ANKFY1: variants seen among roughly 807,000 people sequenced by gnomAD.
ANKFY1 encodes the protein ankyrin repeat and FYVE domain-containing protein 1.
In ANKFY1, 47 loss-of-function variants were observed where a neutral mutation model predicts 128.3. The observed-to-expected ratio is 0.37, with a 90% CI of 0.29 to 0.47. ANKFY1 has a LOEUF of 0.47. Among genes scored for constraint, ANKFY1 ranks in the 20% least tolerant of loss-of-function variants. The pLI, the probability that ANKFY1 is intolerant of heterozygous loss-of-function variation, is 1.00. For synonymous variants in ANKFY1, 553 were observed against 601.6 expected, an observed-to-expected ratio of 0.92 and a Z score of 1.18; for missense variants, 1,222 against 1,510.6, an observed-to-expected ratio of 0.81 and a Z score of 3.17.
At chr17:4,262,097 G>A (rs1341123997) in intron 1 of ANKFY1, among the ~76,000 whole-genome samples, 7 of 152,230 alleles carry the variant, frequency 4.6e-5, no homozygotes, top group Admixed American at 2.0e-4. Context: ...AGGCCAAAGC[G>A]GATGGATTGC....
chr17:4,207,936 G>T lies in ANKFY1; in HGVS notation c.729C>A (p.Ser243=), dbSNP rs1370007577. Residue 243 remains serine (S), a synonymous_variant, in exon 6 of 25, where the codon TCC becomes TCA. Coordinates refer to ENST00000341657, the MANE Select transcript of ANKFY1 (RefSeq NM_001330063.2). ...ATGGAAAAGGCAGCTACAGTACCTG[G>T]GAATCCATTTCAATCAGATACAGGA... ...VVFLYLIEMD[S]QLPGKLNEAD... 2 of 1,589,150 alleles carry T rather than the reference G, an allele frequency of 1.3e-6. No homozygotes were observed. The highest frequency in any genetic ancestry group is 1.4e-5 in the African/African-American group (1 of 73,614).
At chr17:4,184,430 C>G (rs1159260267) in intron 12 of ANKFY1, among the ~76,000 whole-genome samples, 1 of 152,230 alleles carries the variant, frequency 6.6e-6, no homozygotes, top group Non-Finnish European at 1.5e-5. Flanking sequence ...CCCTTCTGTC[C>G]CACAGGGGCT....
intron 1 of ANKFY1, among the ~76,000 whole-genome samples, chr17:4,243,376 T>TTTAA (rs1967361085): frequency 6.6e-6 from 1 of 151,868 alleles, no homozygotes; most frequent in Non-Finnish European, 1.5e-5. Flanking sequence ...TCTTTTTTTT[T>TTTAA]TTAAACAGAT....
In ANKFY1 at chr17:4,235,785, C is replaced by G. The variant is rs1966880655; in HGVS notation, c.309G>C (p.Glu103Asp). Reference protein sequence around the residue: ...WSLANLSSTKELDLSDANPEV... With the variant: ...WSLANLSSTKDLDLSDANPEV... ...TCAAAGGCTCACCTGACAGGTCCAA[C>G]TCTTTAGTGGAAGACAAGTTAGCCA... The change falls in exon 3 of 25, where the codon GAG becomes GAC. Residue 103 changes from glutamate to aspartate, a missense_variant. Physicochemically the swap from Glu to Asp is conservative, Grantham distance 45. Transcript: ENST00000341657. 6.2e-7 allele frequency: 1 copy of G among 1,613,994 alleles called. No individual in the cohort carries two copies. The highest frequency in any genetic ancestry group is 1.7e-5 in the Admixed American group (1 of 60,004).
chr17:4,249,054 T>C (rs1317978001), intron 1 of ANKFY1: 2 of 838,102 alleles, frequency 2.4e-6, no homozygotes, highest in Non-Finnish European at 1.4e-6. Flanking sequence ...AAGAGTGCAA[T>C]GTCTACTGCA....
chr17:4,263,763 C>A, intron 1 of ANKFY1, 169 bp downstream of exon 1: 1 of 1,537,404 alleles, frequency 6.5e-7, no homozygotes, highest in South Asian at 1.2e-5. Flanking sequence ...GAACCGCGCT[C>A]CGGACCCCGG....
At chr17:4,226,672 G>T (rs1263380046) in intron 3 of ANKFY1, among the ~76,000 whole-genome samples, 3 of 151,332 alleles carry the variant, frequency 2.0e-5, no homozygotes, top group Admixed American at 2.0e-4. Flanking sequence ...GAACCTGGGA[G>T]GCAGAGGTTG....
At chr17:4,187,538 G>A (rs2059633482) in intron 11 of ANKFY1, 1 of 357,054 alleles carries the variant, frequency 2.8e-6, no homozygotes, top group Non-Finnish European at 5.0e-6. Flanking sequence ...TGCAGTGCTG[G>A]TCTCCAGTGC....
intron 3 of ANKFY1, among the ~76,000 whole-genome samples, chr17:4,225,772 A>C (rs2060415014): frequency 6.6e-6 from 1 of 151,148 alleles, no homozygotes; most frequent in African/African-American, 2.4e-5. Flanking sequence ...TATTTATATA[A>C]TTTTTTTTTG....
rs74324404 is a variant in ANKFY1 at position 4,211,660 on chromosome 17, G to A, written c.459-1713C>T. Among the ~76,000 whole-genome samples, 949 of 152,068 alleles carry A rather than the reference G, an allele frequency of 6.2e-3. 23 individuals carry two copies. The highest frequency in any genetic ancestry group is 0.05 in the Admixed American group (766 of 15,270). On this transcript the variant is annotated intron_variant, in intron 4 of 24. Transcript: ENST00000341657. ...AGGCAGGAGGAGTACTTGTGGCCAC[G>A]AGTTCAAGACCAGCCTGGGCAACAC... is the stretch of plus-strand genomic sequence containing the variant.
chr17:4,242,213 G>A, intron 2 of ANKFY1, 43 bp downstream of exon 2: 3 of 1,453,948 alleles, frequency 2.1e-6, no homozygotes, highest in Non-Finnish European at 2.7e-6. Context: ...GTGTGGCCCA[G>A]GAATAAAGCC....
In ANKFY1 at chr17:4,248,346, G is replaced by A. The variant is rs535917369; in HGVS notation, c.11-5898C>T. ...TGAACCGCGCATGCGAGGGATCTAG[G>A]TTGCATGCTCCTTATGAGACTCCAG... On this transcript the variant is annotated intron_variant, in intron 1 of 24. Transcript: ENST00000341657. 4.6e-5 allele frequency among the ~76,000 whole-genome samples: 7 copies of A among 152,296 alleles called. 1 individual carries two copies. The South Asian group carries it at 1.5e-3, about 32-fold the overall frequency.
At chr17:4,171,114 C>T (rs2059311372) in intron 22 of ANKFY1, among the ~76,000 whole-genome samples, 1 of 152,222 alleles carries the variant, frequency 6.6e-6, no homozygotes, top group East Asian at 1.9e-4. Flanking sequence ...CAGTCTTTCC[C>T]ACGTAGAGCT....
intron 4 of ANKFY1, among the ~76,000 whole-genome samples, chr17:4,215,618 T>C (rs574792291): frequency 2.6e-5 from 4 of 152,308 alleles, no homozygotes; most frequent in African/African-American, 9.6e-5. Flanking sequence ...TGACAGATAA[T>C]AACTCGATAC....
chr17:4,239,390 A>G (rs1207244979), intron 2 of ANKFY1, among the ~76,000 whole-genome samples: 1 of 152,206 alleles, frequency 6.6e-6, no homozygotes, highest in East Asian at 1.9e-4. Flanking sequence ...TATATTTCAC[A>G]AGAAGCTACA....
intron 7 of ANKFY1, 121 bp downstream of exon 7, chr17:4,206,200 A>G (rs754383824): frequency 2.4e-5 from 25 of 1,040,402 alleles, no homozygotes; most frequent in Non-Finnish European, 3.4e-5. Flanking sequence ...TAGATCATGT[A>G]GCCTGTGAGT....
chr17:4,164,112 G>A lies in ANKFY1; in HGVS notation c.*3667C>T, dbSNP rs1448264589. On this transcript the variant is annotated 3_prime_UTR_variant, in exon 25 of 25. Coordinates refer to ENST00000341657, the MANE Select transcript of ANKFY1 (RefSeq NM_001330063.2). The stretch of plus-strand genomic sequence containing the variant: ...ACCCAAATGTGTGCCTGCAGTTTCT[G>A]CCCAGCTACTGCCCCTCCTCTGGGA... 1.3e-5 allele frequency: 2 copies of A among 152,594 alleles called. No individual in the cohort carries two copies. Among genetic ancestry groups the A allele is most frequent in the Non-Finnish European group, 2.9e-5 (2 of 68,054 alleles). The allele number at this position is 152,594 out of a possible 1,614,324, so 9.5% of individuals were successfully genotyped here.
intron 2 of ANKFY1, among the ~76,000 whole-genome samples, chr17:4,238,574 A>G (rs1327593553): frequency 6.6e-6 from 1 of 151,828 alleles, no homozygotes; most frequent in Non-Finnish European, 1.5e-5. Context: ...CCCAGGTTCA[A>G]GCGATTCTCC....
In ANKFY1 at chr17:4,178,982, G is replaced by A. The variant is rs751915229; in HGVS notation, c.2473C>T (p.His825Tyr). The change falls in exon 18 of 25, where the codon CAC becomes TAC. Residue 825 changes from histidine to tyrosine, a missense_variant. Coordinates refer to ENST00000341657, the MANE Select transcript of ANKFY1 (RefSeq NM_001330063.2). The surrounding 1 kb of genome is among the most constrained non-coding windows in gnomAD (Gnocchi z 4.1). ...HGVIIQLLVS[H>Y]PDIHLNVRDR... ...CGTACATTCAAATGGATATCGGGGT[G>A]AGAAACCAACAGCTGAATGATGACA... 3 of 1,614,224 alleles carry A rather than the reference G, an allele frequency of 1.9e-6. No homozygotes were observed. The highest frequency in any genetic ancestry group is 2.5e-6 in the Non-Finnish European group (3 of 1,180,038).
Sources: allele counts gnomAD v4.1 joint callset (sites outside exome capture counted in the v4.1 genomes callset), GRCh38; gene constraint gnomAD v4.1.1; non-coding constraint Gnocchi (gnomAD v3.1); transcripts MANE v1.5; gene names NCBI Gene and HGNC (gene_info 2026-07-23, HGNC 2026-07-21).